The following PRORP variants were observed in gnomAD, a reference collection of about 807,000 sequenced individuals.
The protein encoded by PRORP is mitochondrial ribonuclease P catalytic subunit.
Under a neutral mutation model 59.4 loss-of-function variants are expected in PRORP, and 51 were observed. That is an observed-to-expected ratio of 0.86 (90% CI 0.69 to 1.08). The LOEUF (loss-of-function observed/expected upper bound fraction) is 1.08. Among genes scored for constraint, PRORP ranks in the 50% least tolerant of loss-of-function variants. PRORP has a pLI of 0.00. For synonymous variants in PRORP, 231 were observed against 245.6 expected (o/e 0.94, Z 0.55); for missense variants, 646 against 690.3 (o/e 0.94, Z 0.72).
intron 4 of PRORP, among the ~76,000 whole-genome samples, chr14:35,148,077 T>C (rs949726047): frequency 2.0e-5 from 3 of 152,236 alleles, no homozygotes; most frequent in African/African-American, 7.2e-5. Context: ...TGAGGGTTGG[T>C]GTCAACTTCT....
intron 5 of PRORP, among the ~76,000 whole-genome samples, chr14:35,258,004 G>A (rs1419109023): frequency 6.6e-6 from 1 of 151,696 alleles, no homozygotes; most frequent in Non-Finnish European, 1.5e-5. Flanking sequence ...CCTAAGCTCA[G>A]GAACTACTTT....
At chr14:35,151,728 G>A (rs188057997) in intron 4 of PRORP, among the ~76,000 whole-genome samples, 2 of 151,498 alleles carry the variant, frequency 1.3e-5, no homozygotes, top group African/African-American at 4.9e-5. Flanking sequence ...GCACCACAAG[G>A]GTAGGGATTT....
chr14:35,138,838 T>A (rs1338454844), intron 4 of PRORP, among the ~76,000 whole-genome samples: 2 of 144,592 alleles, frequency 1.4e-5, no homozygotes, highest in Admixed American at 1.4e-4. Context: ...TCGCTCAGGC[T>A]GGAGTACAGT....
chr14:35,264,539 T>G (rs2050991413), intron 5 of PRORP, among the ~76,000 whole-genome samples: 1 of 152,122 alleles, frequency 6.6e-6, no homozygotes, highest in South Asian at 2.1e-4. Context: ...GTTACAGATG[T>G]GAGCCACCAT....
intron 4 of PRORP, among the ~76,000 whole-genome samples, chr14:35,142,725 C>T (rs950263766): frequency 1.4e-5 from 2 of 144,430 alleles, no homozygotes; most frequent in Non-Finnish European, 3.1e-5. Flanking sequence ...TGCCTGTAGT[C>T]CTAGCTACTC....
At chr14:35,251,238 A>G (rs370146916) in intron 5 of PRORP, among the ~76,000 whole-genome samples, 2 of 152,174 alleles carry the variant, frequency 1.3e-5, no homozygotes, top group East Asian at 1.9e-4. Flanking sequence ...CATCATATAT[A>G]TATATGCCAC....
chr14:35,129,655 A>G (rs180873939), intron 4 of PRORP, among the ~76,000 whole-genome samples: 3 of 149,434 alleles, frequency 2.0e-5, no homozygotes, highest in Non-Finnish European at 4.5e-5. Context: ...TTTTTTTTGT[A>G]TTTTTAGTAC....
chr14:35,165,550 G>A (rs180934415), intron 4 of PRORP, among the ~76,000 whole-genome samples: 1 of 152,096 alleles, frequency 6.6e-6, no homozygotes, highest in East Asian at 1.9e-4. Flanking sequence ...GTAAGTTTAT[G>A]ATATTATTTA....
intron 5 of PRORP, among the ~76,000 whole-genome samples, chr14:35,225,897 A>G (rs573510706): frequency 1.3e-5 from 2 of 152,270 alleles, no homozygotes; most frequent in South Asian, 2.1e-4. Context: ...ATAAAATAAA[A>G]TAAATAAACA....
chr14:35,147,937 G>A (rs2047650968), intron 4 of PRORP, among the ~76,000 whole-genome samples: 1 of 152,180 alleles, frequency 6.6e-6, no homozygotes, highest in African/African-American at 2.4e-5. Context: ...CCTAATCCAA[G>A]TTTTATTTTG....
At chr14:35,246,326 A>C (rs2050483116) in intron 5 of PRORP, among the ~76,000 whole-genome samples, 1 of 152,186 alleles carries the variant, frequency 6.6e-6, no homozygotes, top group African/African-American at 2.4e-5. Context: ...AAACTCAAAT[A>C]ATGAATCTTC....
At chr14:35,199,774 C>T (rs1158782433) in intron 5 of PRORP, among the ~76,000 whole-genome samples, 1 of 152,208 alleles carries the variant, frequency 6.6e-6, no homozygotes, top group Non-Finnish European at 1.5e-5. Context: ...AAAAAAGAAG[C>T]TTGCAAAGTC....
At chr14:35,270,078 G>A (rs1275083408) in intron 6 of PRORP, among the ~76,000 whole-genome samples, 2 of 152,180 alleles carry the variant, frequency 1.3e-5, no homozygotes. Context: ...GATAGATAAG[G>A]CAAATAGGAA....
intron 4 of PRORP, among the ~76,000 whole-genome samples, chr14:35,175,994 G>A (rs989299509): frequency 4.6e-5 from 7 of 152,118 alleles, no homozygotes; most frequent in African/African-American, 1.7e-4. Flanking sequence ...TTATTAAATA[G>A]GGAATCCTTT....
At chr14:35,165,882 G>T (rs1276716939) in intron 4 of PRORP, among the ~76,000 whole-genome samples, 1 of 152,116 alleles carries the variant, frequency 6.6e-6, no homozygotes, top group African/African-American at 2.4e-5. Flanking sequence ...GTTTCACCAT[G>T]TTGGCCAGGC....
At chr14:35,195,181 CTGTT>C (rs1241431696) in intron 5 of PRORP, among the ~76,000 whole-genome samples, 2 of 152,128 alleles carry the variant, frequency 1.3e-5, no homozygotes, top group African/African-American at 4.8e-5. Context: ...TTTATGGAGT[CTGTT>C]TGGTACTGTA....
intron 5 of PRORP, among the ~76,000 whole-genome samples, chr14:35,249,400 C>T (rs1045694005): frequency 6.6e-6 from 1 of 151,908 alleles, no homozygotes; most frequent in African/African-American, 2.4e-5. Flanking sequence ...TGGGCAACAT[C>T]ATGAGACCCT....
At chr14:35,145,013 C>G (rs1248184068) in intron 4 of PRORP, among the ~76,000 whole-genome samples, 3 of 145,490 alleles carry the variant, frequency 2.1e-5, no homozygotes, top group African/African-American at 7.3e-5. Flanking sequence ...CCTTGTCACC[C>G]AAACTAGAGT....
At chr14:35,137,919 G>C (rs2047408237) in intron 4 of PRORP, among the ~76,000 whole-genome samples, 1 of 145,628 alleles carries the variant, frequency 6.9e-6, no homozygotes, top group African/African-American at 2.4e-5. Context: ...GTGTGTGTTG[G>C]TTTTGTTTTG....
Sources: allele counts gnomAD v4.1 joint callset (sites outside exome capture counted in the v4.1 genomes callset), GRCh38; gene constraint gnomAD v4.1.1; transcripts MANE v1.5; gene names NCBI Gene and HGNC (gene_info 2026-07-23, HGNC 2026-07-21).